FMR1NB: variants seen among roughly 807,000 people sequenced by gnomAD.
FMR1NB encodes FMR1 neighbor, also known as FMR1 neighbor protein.
FMR1NB carries 10 observed loss-of-function variants against 16.8 expected under a neutral mutation model. That is an observed-to-expected ratio of 0.60 (90% CI 0.37 to 1.01). The LOEUF (loss-of-function observed/expected upper bound fraction) is 1.01. FMR1NB is among the 50% of genes least tolerant of loss of function. FMR1NB has a pLI of 0.01. For synonymous variants in FMR1NB, 83 were observed against 79.1 expected, an observed-to-expected ratio of 1.05 and a Z score of -0.26; for missense variants, 205 against 204.8, an observed-to-expected ratio of 1.00 and a Z score of 0.00.
intron 4 of FMR1NB, among the ~76,000 whole-genome samples, chrX:148,013,823 TC>T (rs1269705848): frequency 8.9e-6 from 1 of 112,089 alleles, no homozygotes; most frequent in African/African-American, 3.2e-5. Flanking sequence ...CTAAATTATC[TC>T]CCCTTGACCC....
intron 4 of FMR1NB, among the ~76,000 whole-genome samples, chrX:148,012,303 A>C (rs1898718929): frequency 8.9e-6 from 1 of 112,271 alleles, no homozygotes; most frequent in Admixed American, 9.4e-5. Context: ...GATAAAGTTT[A>C]AATCTGTGTG....
intron 1 of FMR1NB, among the ~76,000 whole-genome samples, chrX:147,995,729 G>A (rs1342374480): frequency 8.9e-6 from 1 of 112,793 alleles, no homozygotes; most frequent in Non-Finnish European, 1.9e-5. Flanking sequence ...CATTATATTA[G>A]AATACTTTAT....
chrX:147,998,593 C>CA (rs2044554914), intron 1 of FMR1NB, among the ~76,000 whole-genome samples: 1 of 112,287 alleles, frequency 8.9e-6, no homozygotes. Context: ...TCCCAGAACT[C>CA]AAAGTATCAA....
At chrX:148,021,584 G>C (rs782159819) in intron 4 of FMR1NB, among the ~76,000 whole-genome samples, 26 of 110,533 alleles carry the variant, frequency 2.4e-4, no homozygotes, top group African/African-American at 7.2e-4. Flanking sequence ...CTTCAATGAT[G>C]TATGTTTTTG....
intron 4 of FMR1NB, among the ~76,000 whole-genome samples, chrX:148,019,546 T>G (rs1305576095): frequency 8.9e-6 from 1 of 111,792 alleles, no homozygotes; most frequent in Admixed American, 9.5e-5. Flanking sequence ...TACCTGTCTT[T>G]CTTCGGACAG....
At chrX:147,984,216 T>C (rs1295638115) in intron 1 of FMR1NB, among the ~76,000 whole-genome samples, 1 of 111,695 alleles carries the variant, frequency 9.0e-6, no homozygotes, top group Non-Finnish European at 1.9e-5. Flanking sequence ...AACGACTCTA[T>C]ATAAATTTGA....
At chrX:148,023,340 CA>C (rs1410431644) in intron 4 of FMR1NB, among the ~76,000 whole-genome samples, 12 of 111,844 alleles carry the variant, frequency 1.1e-4, no homozygotes, top group Non-Finnish European at 7.5e-5. Flanking sequence ...TGCCCAGAGA[CA>C]TTTTTTTGAT....
intron 1 of FMR1NB, among the ~76,000 whole-genome samples, chrX:147,991,534 C>A (rs1356940153): frequency 4.5e-5 from 5 of 110,311 alleles, no homozygotes; most frequent in African/African-American, 1.7e-4. Flanking sequence ...CAATTGACTT[C>A]CTTCCCTGCT....
intron 1 of FMR1NB, among the ~76,000 whole-genome samples, chrX:147,993,944 C>G (rs1753842093): frequency 9.6e-6 from 1 of 104,487 alleles, no homozygotes; most frequent in Admixed American, 9.8e-5. Flanking sequence ...AACTGCTTTT[C>G]CTTTTCCTAC....
At chrX:148,023,101 C>T (rs1015436667) in intron 4 of FMR1NB, among the ~76,000 whole-genome samples, 1 of 110,899 alleles carries the variant, frequency 9.0e-6, no homozygotes, top group Admixed American at 9.6e-5. Flanking sequence ...GAGATGCTAC[C>T]CCAGACCCCA....
chrX:148,013,638 T>A (rs1557189841), intron 4 of FMR1NB, among the ~76,000 whole-genome samples: 1 of 112,315 alleles, frequency 8.9e-6, no homozygotes, highest in Non-Finnish European at 1.9e-5. Flanking sequence ...AGATAATTTC[T>A]ATGGTATTTT....
intron 1 of FMR1NB, among the ~76,000 whole-genome samples, chrX:147,996,396 T>C (rs1289958545): frequency 9.0e-6 from 1 of 111,243 alleles, no homozygotes; most frequent in Non-Finnish European, 1.9e-5. Flanking sequence ...CACCACCTAG[T>C]ATGTGGCAGA....
At chrX:148,004,728 A>C (rs1251822141) in intron 2 of FMR1NB, among the ~76,000 whole-genome samples, 1 of 112,506 alleles carries the variant, frequency 8.9e-6, no homozygotes, top group Non-Finnish European at 1.9e-5. Flanking sequence ...TTGCAGATTA[A>C]AATGACAACC....
chrX:147,981,695 G>T lies in FMR1NB; in HGVS notation c.277+16G>T. Reference sequence around the variant, plus strand: ...CTGTGCTCCGGTGAGTGCTGGCTCAGGCCAGGCAGGGAAATGCTGGGGGAG... The same window carrying T: ...CTGTGCTCCGGTGAGTGCTGGCTCATGCCAGGCAGGGAAATGCTGGGGGAG... On this transcript the variant is annotated intron_variant, in intron 1 of 5. Transcript: ENST00000370467. 1.1e-6 allele frequency: 1 copy of T among 884,818 alleles called. No individual in the cohort carries two copies. Among genetic ancestry groups the T allele is most frequent in the East Asian group, 8.9e-5 (1 of 11,232 alleles). 72.9% of individuals were successfully genotyped at this position (884,818 alleles called of 1,213,427 possible). A position where few individuals can be genotyped will look rare whatever the true frequency, so the allele number is the denominator to read the frequency against.
At chrX:147,992,270 G>A (rs782135979) in intron 1 of FMR1NB, among the ~76,000 whole-genome samples, 976 of 88,682 alleles carry the variant, frequency 0.011, 16 homozygotes, top group African/African-American at 0.037. Flanking sequence ...CGGACGGGGC[G>A]GCTGGCCGGG....
intron 2 of FMR1NB, 35 bp from the exon 3 acceptor site, chrX:148,006,667 C>A: frequency 1.7e-6 from 2 of 1,181,388 alleles, no homozygotes; most frequent in Non-Finnish European, 2.3e-6. Context: ...ACTAACCATG[C>A]TGAATTCTCT....
chrX:147,997,819 A>G (rs781912272), intron 1 of FMR1NB, among the ~76,000 whole-genome samples: 3 of 112,096 alleles, frequency 2.7e-5, no homozygotes, highest in African/African-American at 9.8e-5. Flanking sequence ...TTCTCAAAAG[A>G]AGACATTTAT....
chrX:148,007,949 G>C (rs2044605353), intron 3 of FMR1NB, among the ~76,000 whole-genome samples: 1 of 112,003 alleles, frequency 8.9e-6, no homozygotes, highest in South Asian at 3.7e-4. Context: ...AGCAACATTT[G>C]GTTCTTGCAG....
chrX:147,993,769 C>G (rs2044527217), intron 1 of FMR1NB, among the ~76,000 whole-genome samples: 1 of 110,063 alleles, frequency 9.1e-6, no homozygotes, highest in Non-Finnish European at 1.9e-5. Context: ...ACTTTCAGCT[C>G]TCCAAAAGTT....
Sources: allele counts gnomAD v4.1 joint callset (sites outside exome capture counted in the v4.1 genomes callset), GRCh38; gene constraint gnomAD v4.1.1; transcripts MANE v1.5; gene names NCBI Gene and HGNC (gene_info 2026-07-23, HGNC 2026-07-21).